Variants in SPINK6 observed in about 807,000 individuals in gnomAD.
SPINK6 encodes serine peptidase inhibitor Kazal type 6, also known as serine protease inhibitor Kazal-type 6.
SPINK6 carries 13 observed loss-of-function variants against 11.7 expected under a neutral mutation model. The ratio of observed to expected loss-of-function variants is 1.11; its 90% CI spans 0.72 to 1.76. The LOEUF (loss-of-function observed/expected upper bound fraction) is 1.76, where lower values mean the gene tolerates loss of function less well. SPINK6 is among the 40% of genes most tolerant of loss of function. SPINK6 has a pLI of 0.00. For missense variants in SPINK6, 98 were observed against 93.7 expected, an observed-to-expected ratio of 1.05 and a Z score of -0.19; for synonymous variants, 21 against 31.9, an observed-to-expected ratio of 0.66 and a Z score of 1.15.
Position 148,203,148 on chromosome 5 carries a change from T to G in SPINK6, c.52T>G (p.Leu18Val). 1 of 1,610,902 alleles carries G rather than the reference T, an allele frequency of 6.2e-7. No individual in the cohort carries two copies. ...LLLSLALFCF[L>V]TGVFSQGGQV... ...CCTCTCTCTGGCTCTTTTCTGCTTT[T>G]TAACAGGTAAGTTTTTTCTTAAAAT... Residue 18 changes from leucine to valine, a missense_variant, in exon 1 of 4, where the codon TTA becomes GTA. Transcript: ENST00000325630.
At chr5:148,210,203 TGTATTTCTGCATGC>T (rs1755569949) in intron 2 of SPINK6, among the ~76,000 whole-genome samples, 1 of 80,520 alleles carries the variant, frequency 1.2e-5, no homozygotes, top group Non-Finnish European at 3.4e-5. Context: ...TGCATGCATA[TGTATTTCTGCATGC>T]ATATGTATTT....
At chr5:148,212,647 AATAT>A (rs973495501) in intron 2 of SPINK6, among the ~76,000 whole-genome samples, 3 of 105,784 alleles carry the variant, frequency 2.8e-5, no homozygotes, top group African/African-American at 1.2e-4. Flanking sequence ...ATATAATATA[AATAT>A]ATATATTTAT....
At chr5:148,208,591 A>G (rs917106893) in intron 2 of SPINK6, among the ~76,000 whole-genome samples, 4 of 152,214 alleles carry the variant, frequency 2.6e-5, no homozygotes, top group Non-Finnish European at 5.9e-5. Flanking sequence ...ATTCAAGCTA[A>G]ACAAAATCAT....
intron 1 of SPINK6, among the ~76,000 whole-genome samples, chr5:148,205,585 T>C (rs1413910487): frequency 6.6e-6 from 1 of 152,198 alleles, no homozygotes; most frequent in Non-Finnish European, 1.5e-5. Flanking sequence ...ACTACAAGCT[T>C]AATCTCTTTC....
At position 148,215,076 on chromosome 5, in the gene SPINK6, G is replaced by GC; in HGVS notation, c.*126_*127insC. 2 of 785,978 alleles carry GC rather than the reference G, an allele frequency of 2.5e-6. No homozygotes were observed. Among genetic ancestry groups the GC allele is most frequent in the Non-Finnish European group, 4.2e-6 (2 of 474,142 alleles). The allele number at this position is 785,978 out of a possible 1,614,324, so 48.7% of individuals were successfully genotyped here. On this transcript the variant is annotated 3_prime_UTR_variant, in exon 4 of 4. Coordinates refer to ENST00000325630, the MANE Select transcript of SPINK6 (RefSeq NM_205841.4). ...ATACCTACTCTGCCTGGGTCTTGAG[G>GC]AGTTCAATGTATGTCTATTTCTCTT...
Position 148,209,954 on chromosome 5 carries a change from A to ATATGTATACATACATACGTATG in SPINK6, c.81+3916_81+3917insTGTATGTATACATACATACGTA, listed in dbSNP as rs1554112228. Among the ~76,000 whole-genome samples, 40 of 12,770 alleles carry ATATGTATACATACATACGTATG rather than the reference A, an allele frequency of 3.1e-3. 1 individual carries two copies. Among genetic ancestry groups the ATATGTATACATACATACGTATG allele is most frequent in the Admixed American group, 8.4e-3 (6 of 712 alleles). 8.4% of individuals were successfully genotyped at this position (12,770 alleles called of 152,430 possible). On this transcript the variant is annotated intron_variant, in intron 2 of 3. Transcript: ENST00000325630. ...TGAAATTGAGTAAAAGGTTTCATAT[A>ATATGTATACATACATACGTATG]TATGTATACATACATACGTACGTAT...
intron 1 of SPINK6, among the ~76,000 whole-genome samples, chr5:148,204,149 A>G (rs982091425): frequency 5.3e-5 from 8 of 149,600 alleles, no homozygotes; most frequent in Non-Finnish European, 7.4e-5. Flanking sequence ...TAAAAAAAAA[A>G]TCAATGAGAT....
chr5:148,203,346 G>A (rs962268845), intron 1 of SPINK6, among the ~76,000 whole-genome samples, 192 bp downstream of exon 1: 2 of 152,058 alleles, frequency 1.3e-5, no homozygotes, highest in Non-Finnish European at 2.9e-5. Context: ...GTGATTTGTT[G>A]AGCATATACT....
intron 2 of SPINK6, among the ~76,000 whole-genome samples, chr5:148,209,991 T>TACACACGTACGTATGTATGTATGC (rs1398978551): frequency 6.9e-6 from 1 of 145,404 alleles, no homozygotes; most frequent in Non-Finnish European, 1.5e-5. Flanking sequence ...TATGTATACA[T>TACACACGTACGTATGTATGTATGC]ATACACGTAT....
chr5:148,212,384 G>T (rs1755609403), intron 2 of SPINK6, among the ~76,000 whole-genome samples: 1 of 148,358 alleles, frequency 6.7e-6, no homozygotes, highest in African/African-American at 2.5e-5. Flanking sequence ...TAATCTTAGT[G>T]ACTTGGAAGG....
intron 2 of SPINK6, among the ~76,000 whole-genome samples, chr5:148,212,632 A>ATAAT (rs1755623028): frequency 9.8e-6 from 1 of 102,210 alleles, no homozygotes; most frequent in South Asian, 2.4e-4. Flanking sequence ...TATATTATAT[A>ATAAT]TTATATATAA....
At chr5:148,211,901 T>A (rs1755603426) in intron 2 of SPINK6, among the ~76,000 whole-genome samples, 1 of 152,180 alleles carries the variant, frequency 6.6e-6, no homozygotes, top group Non-Finnish European at 1.5e-5. Context: ...GTAGCTGGAA[T>A]ATTTTGAAGC....
chr5:148,206,912 T>C (rs1261347896), intron 2 of SPINK6, among the ~76,000 whole-genome samples: 1 of 152,172 alleles, frequency 6.6e-6, no homozygotes, highest in Non-Finnish European at 1.5e-5. Flanking sequence ...GGCAAAGCCA[T>C]TGGAAATATT....
At chr5:148,204,150 T>C (rs1391292080) in intron 1 of SPINK6, among the ~76,000 whole-genome samples, 1 of 149,966 alleles carries the variant, frequency 6.7e-6, no homozygotes, top group Non-Finnish European at 1.5e-5. Flanking sequence ...AAAAAAAAAA[T>C]CAATGAGATT....
At chr5:148,211,207 A>C (rs1212031197) in intron 2 of SPINK6, among the ~76,000 whole-genome samples, 1 of 152,136 alleles carries the variant, frequency 6.6e-6, no homozygotes, top group Non-Finnish European at 1.5e-5. Flanking sequence ...TGAGTTTAGA[A>C]GGCTCTCTAA....
chr5:148,210,283 CATAT>C (rs1561732659), intron 2 of SPINK6, among the ~76,000 whole-genome samples: 3 of 19,648 alleles, frequency 1.5e-4, no homozygotes, highest in African/African-American at 5.0e-4. Flanking sequence ...TTTCTGCATA[CATAT>C]ATATGTATGT....
chr5:148,204,624 A>T (rs1755474064), intron 1 of SPINK6, among the ~76,000 whole-genome samples: 1 of 151,964 alleles, frequency 6.6e-6, no homozygotes, highest in African/African-American at 2.4e-5. Flanking sequence ...TAAAATAAAC[A>T]TATAAAGGAC....
At chr5:148,212,480 T>TATA (rs1443501373) in intron 2 of SPINK6, among the ~76,000 whole-genome samples, 1,232 of 96,986 alleles carry the variant, frequency 0.013, 31 homozygotes, top group African/African-American at 0.043. Context: ...TACATATTTT[T>TATA]TATATATATA....
rs1755557458 is a variant in SPINK6, at chr5:148,210,007, C to CACACACACGTACGTATGT, written c.82-3902_82-3901insCACACACGTACGTATGTA. ...ATGTATACATATACACGTATGTATA[C>CACACACACGTACGTATGT]ATGTATGTACGCATGTACGCATGCA... On this transcript the variant is annotated intron_variant, in intron 2 of 3. Transcript: ENST00000325630. Among the ~76,000 whole-genome samples the CACACACACGTACGTATGT allele has an allele frequency of 3.2e-4, 34 of 105,730 alleles. 4 individuals are homozygous for CACACACACGTACGTATGT. Among genetic ancestry groups the CACACACACGTACGTATGT allele is most frequent in the Admixed American group, 8.4e-4 (10 of 11,906 alleles). The allele number at this position is 105,730 out of a possible 152,430, so 69.4% of individuals were successfully genotyped here. A position where few individuals can be genotyped will look rare whatever the true frequency, so the allele number is the denominator to read the frequency against.
Sources: allele counts gnomAD v4.1 joint callset (sites outside exome capture counted in the v4.1 genomes callset), GRCh38; gene constraint gnomAD v4.1.1; transcripts MANE v1.5; gene names NCBI Gene and HGNC (gene_info 2026-07-23, HGNC 2026-07-21).